Variants in SLFN5 observed in about 807,000 individuals in gnomAD.
The protein encoded by SLFN5 is schlafen family member 5.
A neutral mutation model predicts 48.5 loss-of-function variants in SLFN5; 34 were observed. The ratio of observed to expected loss-of-function variants is 0.70; its 90% CI spans 0.53 to 0.93. The LOEUF (loss-of-function observed/expected upper bound fraction) is 0.93, where lower values mean the gene tolerates loss of function less well. SLFN5 is among the 40% of genes least tolerant of loss of function. The pLI is 0.00. For synonymous variants in SLFN5, 387 were observed against 396.2 expected (o/e 0.98, Z 0.28); for missense variants, 1,006 against 1,071.3 (o/e 0.94, Z 0.85).
At chr17:35,244,475 G>A (rs11870371) in intron 1 of SLFN5, among the ~76,000 whole-genome samples, 1 of 152,038 alleles carries the variant, frequency 6.6e-6, no homozygotes, top group African/African-American at 2.4e-5. Flanking sequence ...GTCTGGCCTC[G>A]CCCTATGAGA....
chr17:35,251,678 A>G (rs1344303363), intron 1 of SLFN5, among the ~76,000 whole-genome samples: 1 of 143,204 alleles, frequency 7.0e-6, no homozygotes, highest in Non-Finnish European at 1.5e-5. Flanking sequence ...TGCTGGGATT[A>G]CAGGCATGAG....
At chr17:35,262,761 A>T (rs1904556655) in intron 3 of SLFN5, among the ~76,000 whole-genome samples, 1 of 152,112 alleles carries the variant, frequency 6.6e-6, no homozygotes, top group African/African-American at 2.4e-5. Context: ...CTACCTAGAA[A>T]GCTGAGGTGG....
At position 35,264,190 on chromosome 17, in the gene SLFN5, A is replaced by G; in HGVS notation, c.1146A>G (p.Ser382=). 1 of 1,584,398 alleles carries G rather than the reference A, an allele frequency of 6.3e-7. No individual in the cohort carries two copies. Among genetic ancestry groups the G allele is most frequent in the Non-Finnish European group, 8.6e-7 (1 of 1,168,238 alleles). The change falls in exon 4 of 5, where the codon TCA becomes TCG. Residue 382 remains serine (S), a synonymous_variant. Transcript: ENST00000299977. ...EQQKRYFPVF[S]DRVVYTPESL... is the part of the protein sequence containing the mutation. Reference sequence around the variant, plus strand: ...CATCCTTTCCCTGTCTAGTATTTTCAGACAGAGTGGTATATACTCCAGAAA... The same window carrying G: ...CATCCTTTCCCTGTCTAGTATTTTCGGACAGAGTGGTATATACTCCAGAAA...
In SLFN5 at chr17:35,258,644, T is replaced by G. The variant is rs750641659; in HGVS notation, c.-40-7T>G. 1 of 1,569,268 alleles carries G rather than the reference T, an allele frequency of 6.4e-7. No homozygotes were observed. The highest frequency in any genetic ancestry group is 8.6e-7 in the Non-Finnish European group (1 of 1,157,652). ...TGTTCTAATGGTTCTATCTTTCTGT[T>G]TTTCAGGAGAACATTTCAGGATAGG... On this transcript the variant is annotated splice_region_variant and splice_polypyrimidine_tract_variant and intron_variant, in intron 1 of 4. Transcript: ENST00000299977.
intron 1 of SLFN5, among the ~76,000 whole-genome samples, chr17:35,258,450 A>G (rs1037046757): frequency 6.6e-6 from 1 of 152,146 alleles, no homozygotes; most frequent in Admixed American, 6.5e-5. Context: ...CCATGACTCA[A>G]TTATCTCCCA....
rs12939751 is a variant in SLFN5 at position 35,250,625 on chromosome 17, A to T, written c.-41+7482A>T. Among the ~76,000 whole-genome samples the T allele has an allele frequency of 2.0e-5, 3 of 149,584 alleles. No homozygotes were observed. In the Admixed American group the frequency reaches 2.0e-4, roughly 10 times the overall value. On this transcript the variant is annotated intron_variant, in intron 1 of 4. Transcript: ENST00000299977. ...CAGTGAGCCGAGGTCGCGCCACTGC[A>T]CTCCAGCCTGGGCGACAGAGCAAGA...
Position 35,260,987 on chromosome 17 carries a change from TGA to T in SLFN5, c.1032_1033del (p.Glu344AspfsTer21). ...TTTCCTAAGACCTTTCCAGGTGTCC[TGA>T]GATGGTTCTCCAGTTGAGTTTGTCA... ...EADPDLSRCP[E>X]MVLQLSLSSA... On this transcript the variant is annotated frameshift_variant, in exon 3 of 5. Transcript: ENST00000299977. LOFTEE classifies it high-confidence loss of function. 1 of 1,613,902 alleles carries T rather than the reference TGA, an allele frequency of 6.2e-7. No individual in the cohort carries two copies. The highest frequency in any genetic ancestry group is 1.1e-5 in the South Asian group (1 of 91,072).
In SLFN5 at chr17:35,265,352, A is replaced by C; in HGVS notation, c.2140A>C (p.Asn714His). Residue 714 changes from asparagine (N) to histidine (H), a missense_variant, in exon 5 of 5, where the codon AAT (asparagine) becomes CAT (histidine). By Grantham distance (68) the Asn-to-His change is moderately conservative (BLOSUM62 1). Coordinates refer to ENST00000299977, the MANE Select transcript of SLFN5 (RefSeq NM_144975.4). Reference protein sequence around the residue: ...PREEINRVVRNAGPIANYLQQ... With the variant: ...PREEINRVVRHAGPIANYLQQ... ...AGAAGAGATCAACAGAGTGGTCCGC[A>C]ATGCAGGTCCAATAGCTAATTACCT... 6.2e-7 allele frequency: 1 copy of C among 1,614,172 alleles called. No individual in the cohort carries two copies. Among genetic ancestry groups the C allele is most frequent in the Non-Finnish European group, 8.5e-7 (1 of 1,180,032 alleles).
chr17:35,254,104 T>G (rs1045779485), intron 1 of SLFN5, among the ~76,000 whole-genome samples: 1 of 152,258 alleles, frequency 6.6e-6, no homozygotes, highest in African/African-American at 2.4e-5. Flanking sequence ...TTATCATGAC[T>G]AGGACTTTAT....
In SLFN5 at chr17:35,269,823, G is replaced by T. The variant is rs1467549676; in HGVS notation, c.*3935G>T. On this transcript the variant is annotated 3_prime_UTR_variant, in exon 5 of 5. Coordinates refer to ENST00000299977, the MANE Select transcript of SLFN5 (RefSeq NM_144975.4). ...AGTTACCAAAGTAGGATGAAAGGAT[G>T]TTGGGTAGATCAAAACAACAAATGT... The T allele has an allele frequency of 3.3e-5, 5 of 152,236 alleles. No homozygotes were observed. Among genetic ancestry groups the T allele is most frequent in the Non-Finnish European group, 7.3e-5 (5 of 68,042 alleles). The allele number at this position is 152,236 out of a possible 1,614,324, so 9.4% of individuals were successfully genotyped here.
At chr17:35,248,070 T>A (rs191290331) in intron 1 of SLFN5, among the ~76,000 whole-genome samples, 2 of 152,292 alleles carry the variant, frequency 1.3e-5, no homozygotes, top group Non-Finnish European at 2.9e-5. Context: ...GGTCAACAGC[T>A]CTCATGGGGT....
intron 1 of SLFN5, among the ~76,000 whole-genome samples, chr17:35,247,735 G>A (rs1046817740): frequency 2.0e-5 from 3 of 152,142 alleles, no homozygotes; most frequent in Non-Finnish European, 4.4e-5. Flanking sequence ...CGGTTTGTCC[G>A]AAGAAGGAGA....
intron 1 of SLFN5, among the ~76,000 whole-genome samples, chr17:35,247,581 G>T (rs528750917): frequency 6.6e-6 from 1 of 151,950 alleles, no homozygotes; most frequent in East Asian, 1.9e-4. Context: ...TCTTTTTTTT[G>T]AGTTCCTCAG....
At position 35,265,252 on chromosome 17, in the gene SLFN5, G is replaced by C. The variant is rs1385753967; in HGVS notation, c.2040G>C (p.Trp680Cys). Residue 680 changes from tryptophan to cysteine, a missense_variant, in exon 5 of 5, where the codon TGG (tryptophan) becomes TGC (cysteine). Physicochemically the swap from Trp to Cys is radical, Grantham distance 215. Transcript: ENST00000299977. Reference sequence around the variant, plus strand: ...CAAGGGATGGCCCAGGAGTTCTCTGGATCTTTCTGGACTACTTTCAGACCT... The same window carrying C: ...CAAGGGATGGCCCAGGAGTTCTCTGCATCTTTCTGGACTACTTTCAGACCT... ...QTARDGPGVL[W>C]IFLDYFQTYH... 1 of 1,614,044 alleles carries C rather than the reference G, an allele frequency of 6.2e-7. No homozygotes were observed. The highest frequency in any genetic ancestry group is 8.5e-7 in the Non-Finnish European group (1 of 1,180,040).
intron 1 of SLFN5, among the ~76,000 whole-genome samples, chr17:35,249,780 C>T (rs2092438307): frequency 6.6e-6 from 1 of 152,146 alleles, no homozygotes; most frequent in Non-Finnish European, 1.5e-5. Flanking sequence ...CAAGTTGCAC[C>T]TGCTATGAAT....
intron 1 of SLFN5, among the ~76,000 whole-genome samples, chr17:35,249,755 T>G (rs957439244): frequency 6.6e-6 from 1 of 152,214 alleles, no homozygotes; most frequent in Non-Finnish European, 1.5e-5. Flanking sequence ...TTCCAGAGAC[T>G]TCTCTATTCA....
At chr17:35,257,064 G>A (rs1904364858) in intron 1 of SLFN5, among the ~76,000 whole-genome samples, 1 of 152,140 alleles carries the variant, frequency 6.6e-6, no homozygotes, top group South Asian at 2.1e-4. Flanking sequence ...ATCTGAGGTA[G>A]AACAGTGCCA....
At position 35,259,521 on chromosome 17, in the gene SLFN5, C is replaced by G; in HGVS notation, c.831C>G (p.Val277=). The change falls in exon 2 of 5, where the codon GTC becomes GTG. Residue 277 remains valine (V), a synonymous_variant. Transcript: ENST00000299977. ...FCTQRPEIKY[V]LNFLEVHDKG... The stretch of plus-strand genomic sequence containing the variant: ...CACAGAGGCCTGAGATAAAATATGT[C>G]CTTAACTTCCTTGAAGTGCATGATA... 1 of 1,614,154 alleles carries G rather than the reference C, an allele frequency of 6.2e-7. No homozygotes were observed. Among genetic ancestry groups the G allele is most frequent in the African/African-American group, 1.3e-5 (1 of 75,032 alleles).
Position 35,266,114 on chromosome 17 carries a change from A to G in SLFN5, c.*226A>G, listed in dbSNP as rs1182007991. ...ATTTCCCATGGTAAAAAGGGATATC[A>G]GTAATTAGAGGACCGTGAGACTCAG... On this transcript the variant is annotated 3_prime_UTR_variant, in exon 5 of 5. Coordinates refer to ENST00000299977, the MANE Select transcript of SLFN5 (RefSeq NM_144975.4). 5 of 508,462 alleles carry G rather than the reference A, an allele frequency of 9.8e-6. No homozygotes were observed. The highest frequency in any genetic ancestry group is 1.4e-5 in the Non-Finnish European group (4 of 287,308). 31.5% of individuals were successfully genotyped at this position (508,462 alleles called of 1,614,324 possible). A position where few individuals can be genotyped will look rare whatever the true frequency, so the allele number is the denominator to read the frequency against.
Sources: gnomAD v4.1 joint callset for allele counts (sites outside exome capture counted in the v4.1 genomes callset) on GRCh38, gnomAD v4.1.1 for gene constraint, MANE v1.5 for transcripts, NCBI Gene and HGNC (gene_info 2026-07-23, HGNC 2026-07-21) for gene names.